ROBO2: variants seen among roughly 807,000 people sequenced by gnomAD.
ROBO2 encodes the protein roundabout homolog 2.
Under a neutral mutation model 160.8 loss-of-function variants are expected in ROBO2, and 53 were observed. That is an observed-to-expected ratio of 0.33 (90% CI 0.26 to 0.41). The LOEUF is 0.41. ROBO2 is among the 10% of genes least tolerant of loss of function. ROBO2 has a pLI of 1.00. For missense variants in ROBO2, 1,577 were observed against 1,722.4 expected (o/e 0.92, Z 1.49); for synonymous variants, 664 against 611.7 (o/e 1.09, Z -1.26).
At chr3:77,476,368 A>ATGTGTGTGTGTGTGTGTGTG (rs60219148) in intron 2 of ROBO2, among the ~76,000 whole-genome samples, 1 of 144,116 alleles carries the variant, frequency 6.9e-6, no homozygotes, top group Non-Finnish European at 1.5e-5. Flanking sequence ...GTCTGTGGGT[A>ATGTGTGTGTGTGTGTGTGTG]TGTGTGTGTG....
At chr3:77,286,408 C>T (rs982771934) in intron 2 of ROBO2, among the ~76,000 whole-genome samples, 3 of 146,688 alleles carry the variant, frequency 2.0e-5, no homozygotes, top group African/African-American at 7.5e-5. Flanking sequence ...AGGCACATGC[C>T]ACCATGCCCA....
exon 12 of ROBO2, chr3:77,565,074 A>G (rs762110344): frequency 1.4e-5 from 23 of 1,613,642 alleles, no homozygotes; most frequent in Non-Finnish European, 1.9e-5. Context: ...TCAACCCCCA[A>G]GGTCTCAGTG....
intron 11 of ROBO2, 45 bp from the exon 13 acceptor site, chr3:77,564,909 C>A (rs780166774): frequency 1.9e-6 from 3 of 1,587,662 alleles, no homozygotes; most frequent in Admixed American, 1.8e-5. Context: ...CATTTCCAAT[C>A]TTCAAATGAC....
At chr3:76,688,210 AT>A (rs1430444220) in intron 2 of ROBO2, among the ~76,000 whole-genome samples, 1 of 152,034 alleles carries the variant, frequency 6.6e-6, no homozygotes, top group African/African-American at 2.4e-5. Flanking sequence ...CTATCATAGC[AT>A]TTATTAAGGA....
In ROBO2 at chr3:75,941,826, A is replaced by G. The variant is rs536753595; in HGVS notation, c.109+4224A>G. The stretch of plus-strand genomic sequence containing the variant: ...GTTGTCCTATTTAGCAAGTTCTCAA[A>G]TTATGCCATCCTGGAATCATTACAA... On this transcript the variant is annotated intron_variant, in intron 2 of 26. Transcript: ENST00000487694. Among the ~76,000 whole-genome samples, 9 of 152,276 alleles carry G rather than the reference A, an allele frequency of 5.9e-5. No homozygotes were observed. The South Asian group carries it at 1.9e-3, about 32-fold the overall frequency.
At chr3:76,632,432 G>A (rs990500415) in intron 2 of ROBO2, among the ~76,000 whole-genome samples, 2 of 152,130 alleles carry the variant, frequency 1.3e-5, no homozygotes, top group African/African-American at 4.8e-5. Flanking sequence ...CTGGCATTAG[G>A]GGCTACCTGA....
chr3:76,334,913 G>A (rs1248370148), intron 2 of ROBO2, among the ~76,000 whole-genome samples: 1 of 152,022 alleles, frequency 6.6e-6, no homozygotes, highest in Non-Finnish European at 1.5e-5. Flanking sequence ...AAAATAATTT[G>A]ATTATTACTC....
intron 2 of ROBO2, among the ~76,000 whole-genome samples, chr3:76,231,532 A>G (rs1303801503): frequency 6.6e-6 from 1 of 152,060 alleles, no homozygotes; most frequent in Non-Finnish European, 1.5e-5. Flanking sequence ...TTGCCCATTC[A>G]TCTGTAGTTT....
chr3:77,020,513 G>A (rs2062562666), intron 2 of ROBO2, among the ~76,000 whole-genome samples: 1 of 152,110 alleles, frequency 6.6e-6, no homozygotes. Context: ...ATGACTCTTA[G>A]AAAAAAATGT....
At chr3:76,337,183 T>C (rs1481818992) in intron 2 of ROBO2, among the ~76,000 whole-genome samples, 1 of 152,156 alleles carries the variant, frequency 6.6e-6, no homozygotes, top group African/African-American at 2.4e-5. Context: ...ATGGCCAAAA[T>C]TGTTCATCTT....
At chr3:77,637,583 T>A (rs543354351) in intron 24 of ROBO2, among the ~76,000 whole-genome samples, 4 of 152,208 alleles carry the variant, frequency 2.6e-5, no homozygotes, top group African/African-American at 9.7e-5. Context: ...CATTTAAAAC[T>A]ATTCGTAGTG....
chr3:75,996,726 GATATATGTAAATCATCAA>G (rs1559816206), intron 2 of ROBO2, among the ~76,000 whole-genome samples: 1 of 72,250 alleles, frequency 1.4e-5, no homozygotes, highest in East Asian at 5.8e-4. Context: ...TATCTATTCT[GATATATGTAAATCATCAA>G]TTCTGATATA....
At chr3:77,033,166 A>G (rs538916351) in intron 2 of ROBO2, among the ~76,000 whole-genome samples, 15 of 152,328 alleles carry the variant, frequency 9.8e-5, no homozygotes, top group African/African-American at 3.4e-4. Flanking sequence ...GAGAATGCAG[A>G]TAGGTACTCA....
chr3:76,310,698 C>G (rs962507590), intron 2 of ROBO2, among the ~76,000 whole-genome samples: 21 of 152,270 alleles, frequency 1.4e-4, no homozygotes, highest in African/African-American at 5.1e-4. Context: ...GATTAACTAC[C>G]CTCTGTGCAT....
chr3:76,223,038 C>A (rs748485755), intron 2 of ROBO2, among the ~76,000 whole-genome samples: 3 of 151,672 alleles, frequency 2.0e-5, no homozygotes, highest in Non-Finnish European at 4.4e-5. Flanking sequence ...TTCAGGCATG[C>A]GCCACCGCAC....
At chr3:77,458,988 A>T (rs1270812632) in intron 2 of ROBO2, among the ~76,000 whole-genome samples, 2 of 152,174 alleles carry the variant, frequency 1.3e-5, no homozygotes, top group Non-Finnish European at 2.9e-5. Flanking sequence ...GGTCATTGTG[A>T]GTATTCAATT....
intron 2 of ROBO2, among the ~76,000 whole-genome samples, chr3:77,270,938 G>C (rs2059446906): frequency 1.2e-5 from 1 of 85,350 alleles, no homozygotes; most frequent in African/African-American, 4.8e-5. Flanking sequence ...GCAATACTCT[G>C]TCTTTTTAAA....
chr3:76,772,891 G>C (rs1345192714), intron 2 of ROBO2, among the ~76,000 whole-genome samples: 2 of 151,152 alleles, frequency 1.3e-5, no homozygotes, highest in South Asian at 4.1e-4. Context: ...AATGGAATGA[G>C]AGTGAAATTT....
chr3:76,497,840 C>A (rs891784558), intron 2 of ROBO2, among the ~76,000 whole-genome samples: 4 of 151,526 alleles, frequency 2.6e-5, no homozygotes, highest in African/African-American at 7.3e-5. Flanking sequence ...GCATTCCCAG[C>A]ATTCCCAGCA....
Sources: allele counts gnomAD v4.1 joint callset (sites outside exome capture counted in the v4.1 genomes callset), GRCh38; gene constraint gnomAD v4.1.1; transcripts MANE v1.5; gene names NCBI Gene and HGNC (gene_info 2026-07-23, HGNC 2026-07-21).